The following MCCC1 variants were observed in gnomAD, a reference collection of about 807,000 sequenced individuals.
MCCC1 encodes methylcrotonyl-CoA carboxylase subunit 1, also known as methylcrotonoyl-CoA carboxylase subunit alpha, mitochondrial.
In MCCC1, 64 loss-of-function variants were observed where a neutral mutation model predicts 83.8. The observed-to-expected ratio is 0.76, with a 90% CI of 0.62 to 0.94. The LOEUF (loss-of-function observed/expected upper bound fraction) is 0.94, where lower values mean the gene tolerates loss of function less well. MCCC1 is among the 40% of genes least tolerant of loss of function. MCCC1 has a pLI of 0.00. For missense variants in MCCC1, 807 were observed against 904.7 expected, an observed-to-expected ratio of 0.89 and a Z score of 1.39; for synonymous variants, 322 against 315.4, an observed-to-expected ratio of 1.02 and a Z score of -0.22.
chr3:183,077,698 T>A (rs1717180701), intron 4 of MCCC1, among the ~76,000 whole-genome samples: 1 of 152,212 alleles, frequency 6.6e-6, no homozygotes, highest in Non-Finnish European at 1.5e-5. Context: ...TCTCAAAGAT[T>A]TTCTCCTATG....
rs1250482803 is a variant in MCCC1, at chr3:183,071,278, G to C, written c.571C>G (p.Leu191Val). The part of the protein sequence containing the change: ...YHGEDQSDQC[L>V]KEHARRIGYP... ...CCAATTCTCCTGGCGTGTTCCTTCA[G>C]GCACTGGTCTGATTGGTCCTCACCA... Residue 191 changes from leucine (L) to valine (V), a missense_variant, in exon 6 of 19, where the codon CTG (leucine) becomes GTG (valine). Transcript: ENST00000265594. 5 of 1,614,086 alleles carry C rather than the reference G, an allele frequency of 3.1e-6. No homozygotes were observed. Among genetic ancestry groups the C allele is most frequent in the Non-Finnish European group, 4.2e-6 (5 of 1,180,050 alleles).
At chr3:183,033,867 A>G in intron 14 of MCCC1, 124 bp downstream of exon 14, 1 of 704,420 alleles carries the variant, frequency 1.4e-6, no homozygotes, top group South Asian at 1.6e-5. Context: ...TTTCCCTCCA[A>G]TGTTTAGCCT....
At chr3:183,051,158 C>T (rs560378289) in intron 9 of MCCC1, among the ~76,000 whole-genome samples, 132 of 152,248 alleles carry the variant, frequency 8.7e-4, no homozygotes, top group African/African-American at 3.0e-3. Context: ...CCCAGTAGCA[C>T]GCTCCTTAGT....
chr3:183,049,997 G>C (rs1274006673), intron 9 of MCCC1, among the ~76,000 whole-genome samples: 2 of 152,250 alleles, frequency 1.3e-5, no homozygotes, highest in East Asian at 1.9e-4. Context: ...GCACATGCCT[G>C]TAGTTCCAGC....
intron 4 of MCCC1, among the ~76,000 whole-genome samples, chr3:183,083,021 C>T (rs1717627287): frequency 6.6e-6 from 1 of 152,006 alleles, no homozygotes; most frequent in Non-Finnish European, 1.5e-5. Context: ...AAAATATTTA[C>T]ATCTTCTTGA....
intron 2 of MCCC1, 100 bp downstream of exon 2, chr3:183,094,459 C>T (rs1718594681): frequency 4.4e-6 from 5 of 1,139,766 alleles, no homozygotes; most frequent in South Asian, 3.9e-5. Flanking sequence ...TTTATGATAA[C>T]TAATTCTATT....
At position 183,064,127 on chromosome 3, in the gene MCCC1, T is replaced by C. The variant is rs1432502343; in HGVS notation, c.762-6705A>G. 1.2e-4 allele frequency among the ~76,000 whole-genome samples: 18 copies of C among 152,130 alleles called. No individual in the cohort carries two copies. The highest frequency in any genetic ancestry group is 1.1e-3 in the Admixed American group (17 of 15,276). ...TTGGCACTATGGATGTTAACTGCTA[T>C]TCTGTTTGAATTAATCTGCCTTGCA... On this transcript the variant is annotated intron_variant, in intron 7 of 18. Transcript: ENST00000265594. This position sits in a 1 kb window ranked among gnomAD's most constrained non-coding sequence, Gnocchi z 4.5.
intron 1 of MCCC1, among the ~76,000 whole-genome samples, chr3:183,105,791 A>G (rs1719392797): frequency 6.6e-6 from 1 of 152,156 alleles, no homozygotes; most frequent in African/African-American, 2.4e-5. Flanking sequence ...AAAGTGTCAC[A>G]AAAGACTGCC....
intron 10 of MCCC1, 32 bp downstream of exon 10, chr3:183,045,381 A>C (rs754022593): frequency 6.2e-7 from 1 of 1,612,532 alleles, no homozygotes; most frequent in Admixed American, 1.7e-5. Flanking sequence ...CACCCAGCCA[A>C]GGCTGATTTT....
intron 9 of MCCC1, 69 bp from the exon 10 acceptor site, chr3:183,045,609 T>C: frequency 6.5e-7 from 1 of 1,540,160 alleles, no homozygotes; most frequent in Non-Finnish European, 9.0e-7. Flanking sequence ...TCTTCCATGA[T>C]GCATCACATC....
In MCCC1 at chr3:183,033,993, T is replaced by A; in HGVS notation, c.1679A>T (p.Asn560Ile). ...TCTTTTAATGAAACATTACTTACTG[T>A]TTTTACCATCTTTAAGAGTCATGTT... ...TRNMTLKDGK[N>I]NVAIAVTYNH... The change falls in exon 14 of 19, where the codon AAC (asparagine) becomes ATC (isoleucine). Residue 560 changes from asparagine to isoleucine, a missense_variant and splice_region_variant. Asn to Ile is a moderately radical substitution (Grantham distance 149, BLOSUM62 -3). Transcript: ENST00000265594. The A allele has an allele frequency of 1.9e-6, 3 of 1,596,242 alleles. No homozygotes were observed. The highest frequency in any genetic ancestry group is 2.6e-6 in the Non-Finnish European group (3 of 1,164,830).
rs1240621369 is a variant in MCCC1, at chr3:183,041,817, G to A, written c.1084-67C>T. The A allele has an allele frequency of 1.3e-5, 21 of 1,568,062 alleles. No homozygotes were observed. In the African/African-American group the frequency reaches 2.7e-4, roughly 20 times the overall value. ...CGGCTACCAGACTTAGTAAATCAAT[G>A]GTCTTGCTTTTTTTCTAGGTAAAAT... On this transcript the variant is annotated intron_variant, in intron 10 of 18. Transcript: ENST00000265594.
chr3:183,097,270 C>T (rs770440774), intron 1 of MCCC1, among the ~76,000 whole-genome samples: 9 of 152,168 alleles, frequency 5.9e-5, no homozygotes, highest in Non-Finnish European at 7.3e-5. Flanking sequence ...GAAGCTGCTT[C>T]CCTGATTCAA....
intron 14 of MCCC1, among the ~76,000 whole-genome samples, chr3:183,033,111 C>T (rs1481307001): frequency 6.6e-6 from 1 of 152,290 alleles, no homozygotes; most frequent in Non-Finnish European, 1.5e-5. Context: ...CAAACTGTCT[C>T]ACAGCAGAAG....
At chr3:183,055,885 G>A (rs1035649409) in intron 8 of MCCC1, among the ~76,000 whole-genome samples, 10 of 152,100 alleles carry the variant, frequency 6.6e-5, no homozygotes, top group South Asian at 4.1e-4. Flanking sequence ...ATGACAAAGC[G>A]AGACCCTGTC....
chr3:183,022,763 G>A (rs1224138634), intron 15 of MCCC1: 6 of 503,428 alleles, frequency 1.2e-5, no homozygotes, highest in Non-Finnish European at 1.4e-5. Context: ...ATAATTAAAA[G>A]GGAAAAAAAA....
intron 13 of MCCC1, among the ~76,000 whole-genome samples, 169 bp from the exon 14 acceptor site, chr3:183,034,246 C>A (rs372775210): frequency 3.9e-5 from 6 of 151,940 alleles, no homozygotes; most frequent in Admixed American, 3.3e-4. Context: ...GTCAGGAGAT[C>A]GAGACCATCC....
In MCCC1 at chr3:183,045,463, G is replaced by A; in HGVS notation, c.1033C>T (p.Pro345Ser). 6.2e-7 allele frequency: 1 copy of A among 1,614,104 alleles called. No individual in the cohort carries two copies. Among genetic ancestry groups the A allele is most frequent in the Non-Finnish European group, 8.5e-7 (1 of 1,179,990 alleles). ...GTTCCTGTGATCATCTCAGTAACAG[G>A]ATGTTCCACTTGCAGCCTTGTATTC... The part of the protein sequence containing the change: ...EMNTRLQVEH[P>S]VTEMITGTDL... Residue 345 changes from proline to serine, a missense_variant, in exon 10 of 19, where the codon CCT (proline) becomes TCT (serine). Pro to Ser is a moderately conservative substitution (Grantham distance 74, BLOSUM62 -1). Transcript: ENST00000265594.
intron 1 of MCCC1, among the ~76,000 whole-genome samples, chr3:183,110,495 G>A (rs1294908144): frequency 2.0e-5 from 3 of 150,954 alleles, no homozygotes; most frequent in Admixed American, 6.6e-5. Context: ...CCAGGTTCAC[G>A]CCATTCTCCT....
Sources: gnomAD v4.1 joint callset for allele counts (sites outside exome capture counted in the v4.1 genomes callset) on GRCh38, gnomAD v4.1.1 for gene constraint, Gnocchi (gnomAD v3.1) non-coding constraint, MANE v1.5 for transcripts, NCBI Gene and HGNC (gene_info 2026-07-23, HGNC 2026-07-21) for gene names.